The following EED variants were observed in gnomAD, a reference collection of about 807,000 sequenced individuals.
EED encodes the protein polycomb protein EED.
Under a neutral mutation model 61.0 loss-of-function variants are expected in EED, and 9 were observed. The observed-to-expected ratio is 0.15, with a 90% CI of 0.09 to 0.26. The LOEUF is 0.26. Among genes scored for constraint, EED ranks in the 10% least tolerant of loss-of-function variants. The pLI is 1.00. For synonymous variants in EED, 187 were observed against 174.4 expected, an observed-to-expected ratio of 1.07 and a Z score of -0.57; for missense variants, 315 against 542.3, an observed-to-expected ratio of 0.58 and a Z score of 4.16.
intron 9 of EED, among the ~76,000 whole-genome samples, chr11:86,269,032 GT>G (rs1325174330): frequency 6.6e-6 from 1 of 152,078 alleles, no homozygotes; most frequent in Non-Finnish European, 1.5e-5. Flanking sequence ...GGATTACATC[GT>G]GATAAACCCA....
chr11:86,250,581 T>A, intron 2 of EED, 133 bp downstream of exon 2: 7 of 1,087,028 alleles, frequency 6.4e-6, no homozygotes, highest in Non-Finnish European at 8.4e-6. Flanking sequence ...CTGAAGGGTT[T>A]TTTTTTTTGT....
In EED at chr11:86,278,554, G is replaced by A; in HGVS notation, c.*29G>A. 1.2e-6 allele frequency: 2 copies of A among 1,609,132 alleles called. No individual in the cohort carries two copies. The highest frequency in any genetic ancestry group is 1.7e-6 in the Non-Finnish European group (2 of 1,177,250). On this transcript the variant is annotated 3_prime_UTR_variant, in exon 12 of 12. Transcript: ENST00000263360. ...ACTTTTGCCTAATCAAAATTAGAGT[G>A]TGTTTGTTGTCTGTGTAAAATAGAA...
At chr11:86,262,632 T>C (rs957941465) in intron 6 of EED, among the ~76,000 whole-genome samples, 2 of 152,178 alleles carry the variant, frequency 1.3e-5, no homozygotes, top group South Asian at 4.2e-4. Context: ...CACTTCAGCC[T>C]CCCGAGTAGC....
chr11:86,266,703 A>G (rs1722364493), intron 8 of EED, among the ~76,000 whole-genome samples: 1 of 152,130 alleles, frequency 6.6e-6, no homozygotes, highest in African/African-American at 2.4e-5. Context: ...AAATGGAGAG[A>G]ATTCAAATGC....
chr11:86,246,435 C>T (rs1945393528), intron 1 of EED, among the ~76,000 whole-genome samples: 1 of 152,202 alleles, frequency 6.6e-6, no homozygotes, highest in Admixed American at 6.5e-5. Flanking sequence ...ACATCTTCTA[C>T]ACGCAGTTTC....
the EED span, among the ~76,000 whole-genome samples, chr11:86,286,630 T>A: frequency 6.6e-6 from 1 of 152,094 alleles, no homozygotes; most frequent in Non-Finnish European, 1.5e-5. Flanking sequence ...CAAGGTATCA[T>A]CTAGGACAGT....
chr11:86,265,903 T>G (rs1945962919), intron 7 of EED, 180 bp from the exon 8 acceptor site: 1 of 448,346 alleles, frequency 2.2e-6, no homozygotes, highest in Admixed American at 4.2e-5. Flanking sequence ...GACAAACTAA[T>G]TAAAGCTGTA....
rs1193144110 is a variant in EED at position 86,244,856 on chromosome 11, C to T, written c.-374C>T. The T allele has an allele frequency of 4.0e-6, 1 of 248,018 alleles. No homozygotes were observed. Among genetic ancestry groups the T allele is most frequent in the Non-Finnish European group, 7.8e-6 (1 of 127,598 alleles). The allele number at this position is 248,018 out of a possible 1,614,324, so 15.4% of individuals were successfully genotyped here. A position where few individuals can be genotyped will look rare whatever the true frequency, so the allele number is the denominator to read the frequency against. On this transcript the variant is annotated 5_prime_UTR_variant, in exon 1 of 12. Coordinates refer to ENST00000263360, the MANE Select transcript of EED (RefSeq NM_003797.5). ...GGAGGAAGGGGGTGAGGGAGCATCC[C>T]TTTGAGTTTCGCCTCTTCTCGAGGC...
rs749120913 is a variant in EED at position 86,278,550 on chromosome 11, G to A, written c.*25G>A. 1.2e-6 allele frequency: 2 copies of A among 1,610,796 alleles called. No individual in the cohort carries two copies. Among genetic ancestry groups the A allele is most frequent in the Non-Finnish European group, 1.7e-6 (2 of 1,178,336 alleles). On this transcript the variant is annotated 3_prime_UTR_variant, in exon 12 of 12. Coordinates refer to ENST00000263360, the MANE Select transcript of EED (RefSeq NM_003797.5). ...AAATACTTTTGCCTAATCAAAATTA[G>A]AGTGTGTTTGTTGTCTGTGTAAAAT...
In EED at chr11:86,268,448, TC is replaced by T. The variant is rs754780890; in HGVS notation, c.861-6del. 1.3e-6 allele frequency: 2 copies of T among 1,528,870 alleles called. No homozygotes were observed. The highest frequency in any genetic ancestry group is 1.8e-6 in the Non-Finnish European group (2 of 1,118,674). 94.7% of individuals were successfully genotyped at this position (1,528,870 alleles called of 1,614,324 possible). On this transcript the variant is annotated splice_region_variant and splice_polypyrimidine_tract_variant and intron_variant, in intron 8 of 11. Transcript: ENST00000263360. ...TTTTAACTTTTTACATTTCCATTCT[TC>T]CTTCAGGCCATTTATTTCTCAGAAA...
At chr11:86,262,184 CT>C (rs901486250) in intron 6 of EED, among the ~76,000 whole-genome samples, 1 of 151,158 alleles carries the variant, frequency 6.6e-6, no homozygotes, top group Non-Finnish European at 1.5e-5. Context: ...ACCCAGCCTG[CT>C]TTTTTTTTCT....
chr11:86,252,226 G>A lies in EED; in HGVS notation c.346G>A (p.Val116Ile). 6.2e-7 allele frequency: 1 copy of A among 1,610,114 alleles called. No individual in the cohort carries two copies. ...AGGAGATCCATTAGTGTTTGCAACT[G>A]TAGGAAGCAACAGAGTGAGTGTTAA... The part of the protein sequence containing the change: ...KEGDPLVFAT[V>I]GSNRVTLYEC... Residue 116 changes from valine (V) to isoleucine (I), a missense_variant, in exon 3 of 12, where the codon GTA (valine) becomes ATA (isoleucine). Val to Ile is a conservative substitution (Grantham distance 29). Around this residue, in one of 2 missense-constraint regions of EED, gnomAD observed 205 missense variants for 455.4 expected, o/e 0.45. Transcript: ENST00000263360.
chr11:86,256,371 C>T lies in EED; in HGVS notation c.427-16C>T. 2 of 1,552,914 alleles carry T rather than the reference C, an allele frequency of 1.3e-6. No individual in the cohort carries two copies. The highest frequency in any genetic ancestry group is 1.7e-6 in the Non-Finnish European group (2 of 1,145,352). On this transcript the variant is annotated splice_polypyrimidine_tract_variant and intron_variant, in intron 4 of 11. Coordinates refer to ENST00000263360, the MANE Select transcript of EED (RefSeq NM_003797.5). ...TTTTCAAAAACATTATGTTTCTTAA[C>T]TGTGGAATTTCTTAGGCTGATGAAA...
chr11:86,260,328 G>C (rs1384188112), intron 6 of EED, among the ~76,000 whole-genome samples: 1 of 152,104 alleles, frequency 6.6e-6, no homozygotes, highest in Non-Finnish European at 1.5e-5. Flanking sequence ...CTGGCCTCAA[G>C]CAATGTTCCC....
intron 8 of EED, among the ~76,000 whole-genome samples, chr11:86,266,719 C>G (rs980012466): frequency 2.0e-5 from 3 of 151,316 alleles, no homozygotes; most frequent in Non-Finnish European, 4.4e-5. Context: ...AATGCAGGAG[C>G]CTCACTTCAT....
downstream of EED, among the ~76,000 whole-genome samples, chr11:86,282,134 T>C (rs1423796391): frequency 6.6e-6 from 1 of 152,224 alleles, no homozygotes; most frequent in East Asian, 1.9e-4. Flanking sequence ...TTATTTTAAC[T>C]GTAAAAATTT....
At chr11:86,278,364 GT>G (rs1946280041) in intron 11 of EED, 34 bp from the exon 12 acceptor site, 1 of 1,600,740 alleles carries the variant, frequency 6.2e-7, no homozygotes, top group African/African-American at 1.3e-5. Flanking sequence ...AACGTTATGT[GT>G]GGTCTTTAAC....
the EED span, chr11:86,284,137 A>G: frequency 6.6e-6 from 1 of 152,302 alleles, no homozygotes; most frequent in Admixed American, 6.5e-5. Flanking sequence ...TGAGGATCCA[A>G]TTGATGCCAT....
At chr11:86,287,592 C>A in the EED span, among the ~76,000 whole-genome samples, 3 of 152,152 alleles carry the variant, frequency 2.0e-5, no homozygotes, top group Admixed American at 2.0e-4. Flanking sequence ...AATTCCGAAA[C>A]CAATAAACTG....
Sources: allele counts gnomAD v4.1 joint callset (sites outside exome capture counted in the v4.1 genomes callset), GRCh38; gene constraint gnomAD v4.1.1; regional missense constraint gnomAD v4.1.1; transcripts MANE v1.5; gene names NCBI Gene and HGNC (gene_info 2026-07-23, HGNC 2026-07-21).